The following NCOR2 variants were observed in gnomAD, a reference collection of about 807,000 sequenced individuals.
NCOR2 encodes the protein nuclear receptor corepressor 2.
A neutral mutation model predicts 262.9 loss-of-function variants in NCOR2; 81 were observed. The ratio of observed to expected loss-of-function variants is 0.31; its 90% confidence interval spans 0.26 to 0.37. NCOR2 has a LOEUF of 0.37. NCOR2 is among the 10% of genes least tolerant of loss of function. The probability of loss-of-function intolerance (pLI) is 1.00; values close to 1 mark genes in which losing one functional copy is unlikely to be tolerated. For missense variants in NCOR2, 3,385 were observed against 3,621.4 expected, an observed-to-expected ratio of 0.93 and a Z score of 1.68; for synonymous variants, 1,659 against 1,559.3, an observed-to-expected ratio of 1.06 and a Z score of -1.51.
intron 1 of NCOR2, among the ~76,000 whole-genome samples, chr12:124,553,522 T>C (rs2051781637): frequency 6.6e-6 from 1 of 152,180 alleles, no homozygotes; most frequent in Non-Finnish European, 1.5e-5. Flanking sequence ...GTCTCTCCAC[T>C]GCTACACAGC....
At chr12:124,529,196 A>AACAAAAAAAC (rs1555238612) in intron 1 of NCOR2, among the ~76,000 whole-genome samples, 3,719 of 147,094 alleles carry the variant, frequency 0.025, 138 homozygotes, top group African/African-American at 0.07. Flanking sequence ...AAAAAAAAAA[A>AACAAAAAAAC]AAAAAACACT....
chr12:124,447,579 A>T (rs982492516), intron 7 of NCOR2, among the ~76,000 whole-genome samples: 1 of 152,242 alleles, frequency 6.6e-6, no homozygotes, highest in African/African-American at 2.4e-5. Context: ...GGCTATCAAA[A>T]ATTATTATGT....
chr12:124,476,450 G>A (rs1333826325), intron 3 of NCOR2, among the ~76,000 whole-genome samples: 1 of 152,236 alleles, frequency 6.6e-6, no homozygotes, highest in African/African-American at 2.4e-5. Context: ...AGATAACAGA[G>A]CAAGGACAAG....
intron 1 of NCOR2, among the ~76,000 whole-genome samples, chr12:124,532,444 C>G (rs1241867875): frequency 6.6e-6 from 1 of 152,226 alleles, no homozygotes; most frequent in Non-Finnish European, 1.5e-5. Flanking sequence ...GGCCCCCAGA[C>G]AGGCCTTGCC....
At chr12:124,336,498 G>T (rs996895036) in intron 38 of NCOR2, 3 of 925,266 alleles carry the variant, frequency 3.2e-6, no homozygotes, top group Admixed American at 4.1e-5. Flanking sequence ...TCGTCAGCGC[G>T]TGCAAACCGG....
chr12:124,452,332 A>G (rs1216444459), intron 6 of NCOR2, among the ~76,000 whole-genome samples: 1 of 152,228 alleles, frequency 6.6e-6, no homozygotes, highest in Non-Finnish European at 1.5e-5. Flanking sequence ...CCCACATGCC[A>G]ATCAAATGCA....
chr12:124,555,395 G>A (rs774462181), intron 1 of NCOR2, among the ~76,000 whole-genome samples: 8 of 152,156 alleles, frequency 5.3e-5, no homozygotes, highest in Admixed American at 1.3e-4. Flanking sequence ...CAGGGAGCCC[G>A]AGCAAGTGGC....
chr12:124,356,873 T>C (rs1593190810), intron 22 of NCOR2, 91 bp from the exon 25 acceptor site: 1 of 1,379,322 alleles, frequency 7.2e-7, no homozygotes, highest in Non-Finnish European at 9.4e-7. Context: ...ATGGCCTTCC[T>C]GCACCCACAG....
intron 16 of NCOR2, among the ~76,000 whole-genome samples, chr12:124,397,296 G>A (rs925320843): frequency 6.6e-6 from 1 of 152,240 alleles, no homozygotes; most frequent in Admixed American, 6.5e-5. Flanking sequence ...CCCTCACACA[G>A]GGTTATCTGA....
intron 1 of NCOR2, chr12:124,561,773 TG>T (rs1306972989): frequency 4.6e-5 from 7 of 152,320 alleles, no homozygotes; most frequent in African/African-American, 1.4e-4. Flanking sequence ...CACAGTGCTT[TG>T]GGAGGCTGAG....
At chr12:124,418,418 G>A (rs4765563) in intron 13 of NCOR2, among the ~76,000 whole-genome samples, 3 of 152,148 alleles carry the variant, frequency 2.0e-5, no homozygotes, top group Admixed American at 2.0e-4. Context: ...CCCCCAACCC[G>A]TGATGGCTGG....
exon 29 of NCOR2, chr12:124,348,289 G>A: frequency 6.2e-7 from 1 of 1,612,136 alleles, no homozygotes; most frequent in Non-Finnish European, 8.5e-7. Flanking sequence ...CGTCCTCCTT[G>A]GAGCACTGGG....
intron 37 of NCOR2, chr12:124,337,413 G>T (rs2035985356): frequency 2.9e-6 from 2 of 698,092 alleles, no homozygotes; most frequent in Admixed American, 4.0e-5. Context: ...GCAGCTACTA[G>T]GTGCCAGGCA....
At chr12:124,404,767 G>A (rs761878519) in intron 13 of NCOR2, among the ~76,000 whole-genome samples, 8 of 152,212 alleles carry the variant, frequency 5.3e-5, no homozygotes, top group Non-Finnish European at 1.0e-4. Flanking sequence ...GCCCAGCACT[G>A]TGCTGTCCAT....
chr12:124,439,047 C>T lies in NCOR2; in HGVS notation c.816-1051G>A, dbSNP rs2044615641. On this transcript the variant is annotated intron_variant, in intron 7 of 46. Coordinates refer to ENST00000405201, the Ensembl canonical transcript of NCOR2. ...GACCCAGAGAGAGAGAGATGGAGAC[C>T]CTGAGACAGAGGGAGACAGAGACCC... Among the ~76,000 whole-genome samples the T allele has an allele frequency of 4.3e-5, 4 of 92,758 alleles. No individual in the cohort carries two copies. In the South Asian group the frequency reaches 1.6e-3, roughly 37 times the overall value. 60.9% of individuals were successfully genotyped at this position (92,758 alleles called of 152,430 possible). A position where few individuals can be genotyped will look rare whatever the true frequency, so the allele number is the denominator to read the frequency against.
At chr12:124,509,566 C>T (rs1022771831) in intron 1 of NCOR2, among the ~76,000 whole-genome samples, 2 of 152,172 alleles carry the variant, frequency 1.3e-5, no homozygotes, top group African/African-American at 4.8e-5. Context: ...CAGATCTCTT[C>T]CACCCGCTAG....
rs186194047 is a variant in NCOR2 at position 124,440,441 on chromosome 12, G to A, written c.816-2445C>T. Among the ~76,000 whole-genome samples, 33 of 152,318 alleles carry A rather than the reference G, an allele frequency of 2.2e-4. No homozygotes were observed. The highest frequency in any genetic ancestry group is 7.5e-4 in the African/African-American group (31 of 41,572). On this transcript the variant is annotated intron_variant, in intron 7 of 46. Coordinates refer to ENST00000405201, the Ensembl canonical transcript of NCOR2. This position sits in a 1 kb window ranked among gnomAD's most constrained non-coding sequence, Gnocchi z 5.7. The stretch of plus-strand genomic sequence containing the variant: ...GGCCGCCGCCCCCCGGCCAGGGTGG[G>A]CCATGGGGGTCCTCAGTCCCACAGG...
At chr12:124,534,237 A>T (rs1435117380) in intron 1 of NCOR2, among the ~76,000 whole-genome samples, 1 of 152,156 alleles carries the variant, frequency 6.6e-6, no homozygotes, top group African/African-American at 2.4e-5. Context: ...CAGGAGGATC[A>T]CTTGAGGTCA....
At chr12:124,366,860 G>C (rs2039078189) in intron 20 of NCOR2, among the ~76,000 whole-genome samples, 1 of 151,944 alleles carries the variant, frequency 6.6e-6, no homozygotes, top group African/African-American at 2.4e-5. Context: ...GTATATGAAT[G>C]ATATCTTAAT....
Sources: gnomAD v4.1 joint callset for allele counts (sites outside exome capture counted in the v4.1 genomes callset) on GRCh38, gnomAD v4.1.1 for gene constraint, Gnocchi (gnomAD v3.1) non-coding constraint, MANE v1.5 for transcripts, NCBI Gene and HGNC (gene_info 2026-07-23, HGNC 2026-07-21) for gene names.